Variants in IGFBPL1 observed in about 807,000 individuals in gnomAD.
IGFBPL1 encodes insulin like growth factor binding protein like 1, also known as insulin-like growth factor-binding protein-like 1.
Under a neutral mutation model 23.9 loss-of-function variants are expected in IGFBPL1, and 20 were observed. The observed-to-expected ratio is 0.84, with a 90% CI of 0.59 to 1.22. The LOEUF (loss-of-function observed/expected upper bound fraction) is 1.22. IGFBPL1 is among the 50% of genes most tolerant of loss of function. The pLI, the probability that IGFBPL1 is intolerant of heterozygous loss-of-function variation, is 0.00. For missense variants in IGFBPL1, 436 were observed against 379.3 expected, an observed-to-expected ratio of 1.15 and a Z score of -1.24; for synonymous variants, 184 against 171.8, an observed-to-expected ratio of 1.07 and a Z score of -0.56.
chr9:38,413,785 C>T (rs865775464), intron 2 of IGFBPL1, among the ~76,000 whole-genome samples: 7 of 152,072 alleles, frequency 4.6e-5, no homozygotes, highest in East Asian at 1.9e-4. Context: ...ACATGGCCAC[C>T]GCAGCTGAAG....
chr9:38,423,797 C>T (rs1054398466), intron 1 of IGFBPL1, among the ~76,000 whole-genome samples, 168 bp downstream of exon 1: 13 of 152,196 alleles, frequency 8.5e-5, no homozygotes, highest in Non-Finnish European at 1.8e-4. Flanking sequence ...CAAGGATTCT[C>T]GCCCCAGTCT....
At chr9:38,413,865 G>A (rs1226682201) in intron 2 of IGFBPL1, among the ~76,000 whole-genome samples, 2 of 152,148 alleles carry the variant, frequency 1.3e-5, no homozygotes, top group South Asian at 2.1e-4. Flanking sequence ...AGGAAGGGTT[G>A]CAATGTTCCC....
rs1421037308 is a variant in IGFBPL1, at chr9:38,419,487, T to C, written c.460+4478A>G. ...ACTAGCACAGACCTAGGTTTCTAAG[T>C]GGAGCTGGAATTTCAACCAAGGTGA... On this transcript the variant is annotated intron_variant, in intron 1 of 4. Transcript: ENST00000377694. Among the ~76,000 whole-genome samples the C allele has an allele frequency of 3.3e-5, 5 of 152,252 alleles. No individual in the cohort carries two copies. In the East Asian group the frequency reaches 9.7e-4, roughly 29 times the overall value.
intron 1 of IGFBPL1, among the ~76,000 whole-genome samples, chr9:38,423,440 C>G (rs1173195044): frequency 6.6e-6 from 1 of 152,090 alleles, no homozygotes; most frequent in Non-Finnish European, 1.5e-5. Context: ...CCTCAGCATC[C>G]CAGCTCAGCC....
chr9:38,419,891 C>CTT (rs1554661913), intron 1 of IGFBPL1, among the ~76,000 whole-genome samples: 41,265 of 125,694 alleles, frequency 0.33, 6,768 homozygotes, highest in Non-Finnish European at 0.4. Context: ...TCCTCCTCCT[C>CTT]CTTCTTCTTC....
chr9:38,412,661 C>T (rs1349203127), intron 3 of IGFBPL1, among the ~76,000 whole-genome samples: 1 of 152,134 alleles, frequency 6.6e-6, no homozygotes, highest in African/African-American at 2.4e-5. Context: ...GTCAGAGGCC[C>T]AAAGGGGGCT....
At chr9:38,417,941 T>C (rs542475888) in intron 1 of IGFBPL1, among the ~76,000 whole-genome samples, 1 of 152,240 alleles carries the variant, frequency 6.6e-6, no homozygotes, top group Admixed American at 6.5e-5. Context: ...CTCTCATCAA[T>C]TCTGAGAAGA....
intron 1 of IGFBPL1, among the ~76,000 whole-genome samples, chr9:38,420,756 G>A (rs1821668069): frequency 1.3e-5 from 2 of 152,148 alleles, no homozygotes; most frequent in African/African-American, 4.8e-5. Flanking sequence ...AGAATGGCGT[G>A]AACCCAGGAG....
intron 1 of IGFBPL1, among the ~76,000 whole-genome samples, chr9:38,418,574 C>CT (rs1006993002): frequency 2.6e-5 from 4 of 152,182 alleles, no homozygotes; most frequent in African/African-American, 9.7e-5. Context: ...AGCACATACT[C>CT]TTACTGTTGC....
chr9:38,419,114 G>A lies in IGFBPL1; in HGVS notation c.460+4851C>T, dbSNP rs754243820. ...GTCCCCCTACCTCGTCAATTATATC[G>A]ATCATTGATGGCTGGAATGAAAAAA... On this transcript the variant is annotated intron_variant, in intron 1 of 4. Transcript: ENST00000377694. Among the ~76,000 whole-genome samples the A allele has an allele frequency of 1.8e-4, 27 of 151,998 alleles. No individual in the cohort carries two copies. The South Asian group carries it at 4.4e-3, about 25-fold the overall frequency.
In IGFBPL1 at chr9:38,408,251, TACAAAAAAAAAAAA is replaced by T. The variant is rs1821457662; in HGVS notation, c.*962_*975del. ...CGGCAACATAGGGAGACCCTGTCTC[TACAAAAAAAAAAAA>T]AAAAAAAAAAAAAATAGCTGGGTGT... On this transcript the variant is annotated 3_prime_UTR_variant, in exon 5 of 5. Transcript: ENST00000377694. Among the ~76,000 whole-genome samples, 1 of 15,238 alleles carries T rather than the reference TACAAAAAAAAAAAA, an allele frequency of 6.6e-5. No individual in the cohort carries two copies. The highest frequency in any genetic ancestry group is 1.6e-4 in the Non-Finnish European group (1 of 6,246). 10.0% of individuals were successfully genotyped at this position (15,238 alleles called of 152,430 possible). A position where few individuals can be genotyped will look rare whatever the true frequency, so the allele number is the denominator to read the frequency against.
At chr9:38,419,349 C>A (rs1325511647) in intron 1 of IGFBPL1, among the ~76,000 whole-genome samples, 1 of 152,186 alleles carries the variant, frequency 6.6e-6, no homozygotes, top group African/African-American at 2.4e-5. Context: ...CTCCCTGCAG[C>A]CTCTGCCTCA....
At chr9:38,420,465 A>T (rs1788047405) in intron 1 of IGFBPL1, among the ~76,000 whole-genome samples, 2 of 152,234 alleles carry the variant, frequency 1.3e-5, no homozygotes, top group Non-Finnish European at 2.9e-5. Flanking sequence ...GAAACCCCCA[A>T]GATTCAAGGC....
In IGFBPL1 at chr9:38,407,540, G is replaced by T. The variant is rs1374644125; in HGVS notation, c.*1687C>A. 6.6e-6 allele frequency among the ~76,000 whole-genome samples: 1 copy of T among 152,226 alleles called. No homozygotes were observed. The highest frequency in any genetic ancestry group is 6.5e-5 in the Admixed American group (1 of 15,292). ...GACTCCAAAATGTAATGCACAATGT[G>T]AGCGGTGTGAAAGTGTGCCTTAAAA... is the stretch of plus-strand genomic sequence containing the variant. On this transcript the variant is annotated 3_prime_UTR_variant, in exon 5 of 5. Transcript: ENST00000377694.
intron 1 of IGFBPL1, among the ~76,000 whole-genome samples, chr9:38,416,148 A>G (rs7045947): frequency 0.074 from 11,282 of 152,248 alleles, 1,406 homozygotes; most frequent in African/African-American, 0.26. Context: ...GCCTCCAGGG[A>G]AGCCCAAACC....
At chr9:38,412,150 G>A (rs1821522055) in intron 3 of IGFBPL1, among the ~76,000 whole-genome samples, 1 of 152,118 alleles carries the variant, frequency 6.6e-6, no homozygotes, top group South Asian at 2.1e-4. Context: ...ACCAGCTCGC[G>A]TCTTTTTTGC....
rs138543101 is a variant in IGFBPL1, at chr9:38,411,451, A to C, written c.786T>G (p.Asp262Glu). Residue 262 changes from aspartate to glutamate, a missense_variant, in exon 4 of 5, where the codon GAT (aspartate) becomes GAG (glutamate). Physicochemically the swap from Asp to Glu is conservative, Grantham distance 45. Transcript: ENST00000377694. ...AESHSTVTVL[D>E]LSKYRSFHFP... ...AGTGGAAGCTCCTGTATTTACTCAGATCTAGAACCGTCACTGTGCTGTGGG... is the reference window on the plus strand; with the variant it reads ...AGTGGAAGCTCCTGTATTTACTCAGCTCTAGAACCGTCACTGTGCTGTGGG... 255 of 1,614,008 alleles carry C rather than the reference A, an allele frequency of 1.6e-4. No individual in the cohort carries two copies. The highest frequency in any genetic ancestry group is 2.1e-4 in the Non-Finnish European group (248 of 1,179,990).
intron 1 of IGFBPL1, among the ~76,000 whole-genome samples, chr9:38,419,847 T>C (rs1821650644): frequency 6.8e-6 from 1 of 147,864 alleles, no homozygotes; most frequent in African/African-American, 2.5e-5. Context: ...ATCCTTCTTC[T>C]TCCTTCTCCT....
In IGFBPL1 at chr9:38,409,151, T is replaced by A. The variant is rs914631259; in HGVS notation, c.*76A>T. 1 of 152,220 alleles carries A rather than the reference T, an allele frequency of 6.6e-6. No homozygotes were observed. The highest frequency in any genetic ancestry group is 6.5e-5 in the Admixed American group (1 of 15,286). 9.4% of individuals were successfully genotyped at this position (152,220 alleles called of 1,614,324 possible). ...CATCTACACACACAGGTTTTCCAACTCTTCATGAAGCACAAAGATCCGTTA... is the reference window on the plus strand; with the variant it reads ...CATCTACACACACAGGTTTTCCAACACTTCATGAAGCACAAAGATCCGTTA... On this transcript the variant is annotated 3_prime_UTR_variant, in exon 5 of 5. Transcript: ENST00000377694.
Sources: allele counts gnomAD v4.1 joint callset (sites outside exome capture counted in the v4.1 genomes callset), GRCh38; gene constraint gnomAD v4.1.1; transcripts MANE v1.5; gene names NCBI Gene and HGNC (gene_info 2026-07-23, HGNC 2026-07-21).